Variants in PCDHA7 observed in about 807,000 individuals in gnomAD.
The protein encoded by PCDHA7 is protocadherin alpha 7, also known as protocadherin alpha-7.
In PCDHA7, 37 loss-of-function variants were observed where a neutral mutation model predicts 57.2. The observed-to-expected ratio is 0.65, with a 90% CI of 0.50 to 0.85. The LOEUF (loss-of-function observed/expected upper bound fraction) is 0.85, where lower values mean the gene tolerates loss of function less well. Ranked by LOEUF, PCDHA7 falls within the 40% of genes least tolerant of loss-of-function variation. The pLI is 0.00. For missense variants in PCDHA7, 1,188 were observed against 1,241.8 expected, an observed-to-expected ratio of 0.96 and a Z score of 0.65; for synonymous variants, 553 against 558.8, an observed-to-expected ratio of 0.99 and a Z score of 0.15.
intron 1 of PCDHA7, among the ~76,000 whole-genome samples, chr5:140,913,256 T>C (rs1162098506): frequency 6.6e-6 from 1 of 152,208 alleles, no homozygotes; most frequent in East Asian, 1.9e-4. Context: ...ACAACTTTGA[T>C]CTAATTACTT....
intron 3 of PCDHA7, among the ~76,000 whole-genome samples, chr5:140,997,912 A>G (rs2097790316): frequency 6.6e-6 from 1 of 152,224 alleles, no homozygotes; most frequent in Admixed American, 6.5e-5. Flanking sequence ...GTAGAATTAC[A>G]GAATCATAGG....
chr5:141,001,811 C>A (rs1200900455), intron 3 of PCDHA7, among the ~76,000 whole-genome samples: 1 of 152,128 alleles, frequency 6.6e-6, no homozygotes, highest in Non-Finnish European at 1.5e-5. Flanking sequence ...ATTCTACAAT[C>A]GGCCAAATTC....
intron 3 of PCDHA7, among the ~76,000 whole-genome samples, chr5:140,995,648 G>A (rs548703031): frequency 1.3e-5 from 2 of 152,248 alleles, no homozygotes; most frequent in South Asian, 2.1e-4. Flanking sequence ...TAGAAAAGGA[G>A]AATCGAAAAG....
chr5:140,848,526 G>A (rs1781577604), intron 1 of PCDHA7: 2 of 1,594,266 alleles, frequency 1.3e-6, no homozygotes, highest in Admixed American at 1.7e-5. Flanking sequence ...AGATCCAGAG[G>A]GTCAGCCTCT....
intron 1 of PCDHA7, among the ~76,000 whole-genome samples, chr5:140,958,652 G>C (rs991773774): frequency 6.6e-6 from 1 of 152,030 alleles, no homozygotes; most frequent in East Asian, 1.9e-4. Context: ...ATCACAGAAA[G>C]CTATGATGAA....
chr5:140,856,909 G>T, intron 1 of PCDHA7: 1 of 1,596,132 alleles, frequency 6.3e-7, no homozygotes, highest in African/African-American at 1.3e-5. Context: ...TCCCACCCAC[G>T]ATAAGAAGGA....
chr5:140,875,854 G>A (rs1448268904), intron 1 of PCDHA7: 6 of 1,614,160 alleles, frequency 3.7e-6, no homozygotes, highest in Non-Finnish European at 5.1e-6. Flanking sequence ...GGACATTAAC[G>A]ACAACCCGCC....
chr5:140,978,103 A>T (rs2096789005), intron 1 of PCDHA7, among the ~76,000 whole-genome samples: 1 of 152,106 alleles, frequency 6.6e-6, no homozygotes, highest in South Asian at 2.1e-4. Context: ...AACTCCCCCA[A>T]CAGTCTTTAA....
At chr5:140,869,772 T>A (rs1554163433) in intron 1 of PCDHA7, 1 of 1,613,190 alleles carries the variant, frequency 6.2e-7, no homozygotes, top group Non-Finnish European at 8.5e-7. Context: ...CAGAGCTTAC[T>A]GGCACCGTTC....
intron 1 of PCDHA7, chr5:140,843,766 G>A: frequency 6.7e-7 from 1 of 1,487,952 alleles, no homozygotes; most frequent in Non-Finnish European, 9.2e-7. Flanking sequence ...GGAAATTGTA[G>A]TTACTTTAAA....
chr5:140,974,534 G>A (rs929112962), intron 1 of PCDHA7, among the ~76,000 whole-genome samples: 4 of 151,974 alleles, frequency 2.6e-5, no homozygotes, highest in Admixed American at 1.3e-4. Flanking sequence ...TTTTTGAGAC[G>A]GAGTTTTGCT....
chr5:140,848,370 C>G, intron 1 of PCDHA7: 1 of 1,125,286 alleles, frequency 8.9e-7, no homozygotes, highest in Non-Finnish European at 1.3e-6. Flanking sequence ...GAAAGAGGCT[C>G]AATTCTTTTT....
At chr5:140,858,419 G>C (rs2045401110) in intron 1 of PCDHA7, 1 of 1,559,254 alleles carries the variant, frequency 6.4e-7, no homozygotes. Flanking sequence ...GTCTATTGGA[G>C]GGGACCACTC....
At chr5:140,907,517 G>C (rs1174112923) in intron 1 of PCDHA7, among the ~76,000 whole-genome samples, 1 of 152,192 alleles carries the variant, frequency 6.6e-6, no homozygotes, top group Non-Finnish European at 1.5e-5. Flanking sequence ...TTCCAGTGAG[G>C]ACAAATCGCT....
chr5:140,924,900 A>T (rs622703), intron 1 of PCDHA7, among the ~76,000 whole-genome samples: 5 of 63,248 alleles, frequency 7.9e-5, no homozygotes, highest in Admixed American at 1.7e-4. Flanking sequence ...GTCTCAAAAA[A>T]AAAAATAAAA....
intron 1 of PCDHA7, among the ~76,000 whole-genome samples, chr5:140,949,466 G>A (rs2094383684): frequency 6.6e-6 from 1 of 151,662 alleles, no homozygotes; most frequent in Non-Finnish European, 1.5e-5. Flanking sequence ...TTGAAGCCCT[G>A]TTATTAGGCA....
intron 1 of PCDHA7, chr5:140,968,681 A>G: frequency 1.9e-6 from 3 of 1,614,158 alleles, no homozygotes; most frequent in Non-Finnish European, 2.5e-6. Context: ...AGAGCTGCAC[A>G]CAGGAGAAAT....
intron 1 of PCDHA7, chr5:140,969,335 A>G (rs782267073): frequency 1.2e-6 from 2 of 1,614,012 alleles, no homozygotes; most frequent in Admixed American, 3.3e-5. Context: ...AAATGAGGTG[A>G]GACAGTGGTC....
intron 2 of PCDHA7, among the ~76,000 whole-genome samples, chr5:140,980,777 A>C (rs2096905451): frequency 6.6e-6 from 1 of 152,244 alleles, no homozygotes; most frequent in Non-Finnish European, 1.5e-5. Flanking sequence ...ATTGAAATTA[A>C]AATGCCATTT....
Sources: allele counts gnomAD v4.1 joint callset (sites outside exome capture counted in the v4.1 genomes callset), GRCh38; gene constraint gnomAD v4.1.1; transcripts MANE v1.5; gene names NCBI Gene and HGNC (gene_info 2026-07-23, HGNC 2026-07-21).